Variants in TMEM132B observed in about 807,000 individuals in gnomAD.
TMEM132B encodes the protein transmembrane protein 132B.
In TMEM132B, 18 loss-of-function variants were observed where a neutral mutation model predicts 90.8. That is an observed-to-expected ratio of 0.20 (90% CI 0.14 to 0.29). The LOEUF is 0.29. TMEM132B is among the 10% of genes least tolerant of loss of function. The pLI is 1.00. For missense variants in TMEM132B, 1,096 were observed against 1,326.8 expected, an observed-to-expected ratio of 0.83 and a Z score of 2.70; for synonymous variants, 504 against 523.3, an observed-to-expected ratio of 0.96 and a Z score of 0.50.
intron 5 of TMEM132B, among the ~76,000 whole-genome samples, chr12:125,594,419 A>G (rs1885391411): frequency 6.6e-6 from 1 of 152,202 alleles, no homozygotes; most frequent in African/African-American, 2.4e-5. Context: ...AGGTTGTATC[A>G]TATTAAGTGT....
At chr12:125,285,618 CCAGGTGAGG>C (rs1337141021) in intron 1 of TMEM132B, among the ~76,000 whole-genome samples, 2 of 152,196 alleles carry the variant, frequency 1.3e-5, no homozygotes, top group Non-Finnish European at 2.9e-5. Context: ...CCAGTGTTCA[CCAGGTGAGG>C]CCACCTGGGC....
intron 1 of TMEM132B, among the ~76,000 whole-genome samples, chr12:125,219,793 A>C (rs1873518160): frequency 6.6e-6 from 1 of 152,212 alleles, no homozygotes; most frequent in South Asian, 2.1e-4. Flanking sequence ...CAGGTGCCTC[A>C]GTGGCACTGG....
At chr12:125,188,862 A>AG (rs1565970793) in intron 1 of TMEM132B, among the ~76,000 whole-genome samples, 1 of 138,338 alleles carries the variant, frequency 7.2e-6, no homozygotes. Context: ...CAAAAAAAAA[A>AG]AAAAAAAAAA....
intron 5 of TMEM132B, among the ~76,000 whole-genome samples, chr12:125,643,464 A>G (rs899278780): frequency 6.6e-6 from 1 of 152,228 alleles, no homozygotes; most frequent in Non-Finnish European, 1.5e-5. Context: ...AAGCATGCAC[A>G]TTAGAGAGGC....
chr12:125,187,311 G>A (rs4073533), intron 1 of TMEM132B, among the ~76,000 whole-genome samples: 3,227 of 152,280 alleles, frequency 0.021, 51 homozygotes, highest in Admixed American at 0.034. Flanking sequence ...CGGGACACCT[G>A]CGGGCCCCGG....
At chr12:125,256,554 A>G (rs988981188) in intron 1 of TMEM132B, among the ~76,000 whole-genome samples, 8 of 152,254 alleles carry the variant, frequency 5.3e-5, no homozygotes, top group Non-Finnish European at 1.0e-4. Context: ...TTTTGGAGCT[A>G]CAAAAGCAGA....
intron 3 of TMEM132B, among the ~76,000 whole-genome samples, chr12:125,443,915 C>T (rs1302444974): frequency 6.6e-6 from 1 of 151,308 alleles, no homozygotes; most frequent in African/African-American, 2.4e-5. Context: ...TTGGGAAGGG[C>T]AGGGGTGATG....
chr12:125,638,181 C>T (rs1419294652), intron 5 of TMEM132B, among the ~76,000 whole-genome samples: 2 of 152,290 alleles, frequency 1.3e-5, no homozygotes, highest in Admixed American at 6.5e-5. Flanking sequence ...CATGCTCTGC[C>T]TTTCACCAGC....
At chr12:125,638,458 T>G (rs1886543707) in intron 5 of TMEM132B, among the ~76,000 whole-genome samples, 1 of 152,212 alleles carries the variant, frequency 6.6e-6, no homozygotes, top group South Asian at 2.1e-4. Flanking sequence ...TTCACTAAAC[T>G]CAGTAATACA....
At chr12:125,263,555 A>C (rs1028668507) in intron 1 of TMEM132B, among the ~76,000 whole-genome samples, 12 of 152,142 alleles carry the variant, frequency 7.9e-5, no homozygotes, top group Non-Finnish European at 1.6e-4. Context: ...GTCTTCGTGC[A>C]TATTTGTTGT....
intron 1 of TMEM132B, among the ~76,000 whole-genome samples, chr12:125,224,223 G>T (rs1873625741): frequency 6.6e-6 from 1 of 152,170 alleles, no homozygotes; most frequent in African/African-American, 2.4e-5. Context: ...CATTTGGGTT[G>T]TTTTTGCTCT....
intron 1 of TMEM132B, among the ~76,000 whole-genome samples, chr12:125,287,644 G>T (rs1875399098): frequency 6.6e-6 from 1 of 152,098 alleles, no homozygotes; most frequent in Non-Finnish European, 1.5e-5. Flanking sequence ...ACCACAGAAT[G>T]ATGCAAAACA....
At chr12:125,594,825 T>C (rs1203550861) in intron 5 of TMEM132B, among the ~76,000 whole-genome samples, 11 of 152,196 alleles carry the variant, frequency 7.2e-5, no homozygotes, top group African/African-American at 2.4e-4. Flanking sequence ...TGTTATTCCA[T>C]ATTGTGGTTT....
At chr12:125,474,385 C>A (rs73414312) in intron 3 of TMEM132B, among the ~76,000 whole-genome samples, 2 of 148,728 alleles carry the variant, frequency 1.3e-5, no homozygotes, top group African/African-American at 4.9e-5. Flanking sequence ...AGCCTCAAAA[C>A]CCTGGGCTCC....
intron 2 of TMEM132B, among the ~76,000 whole-genome samples, chr12:125,396,618 T>G (rs950425248): frequency 2.6e-5 from 4 of 152,024 alleles, no homozygotes; most frequent in Non-Finnish European, 5.9e-5. Flanking sequence ...GCTCAGGTGA[T>G]CCTCCCACCT....
chr12:125,456,262 A>G (rs185598423), intron 3 of TMEM132B, among the ~76,000 whole-genome samples: 19 of 152,344 alleles, frequency 1.2e-4, no homozygotes, highest in African/African-American at 2.4e-4. Context: ...AAAGGAGCCA[A>G]CTGTGCTTCT....
chr12:125,339,976 A>G (rs1046206102), intron 1 of TMEM132B, among the ~76,000 whole-genome samples: 10 of 152,214 alleles, frequency 6.6e-5, no homozygotes, highest in Non-Finnish European at 1.5e-4. Flanking sequence ...TTCAGCTACA[A>G]TGTATTCATA....
intron 3 of TMEM132B, among the ~76,000 whole-genome samples, chr12:125,494,239 G>A (rs1882451367): frequency 8.6e-6 from 1 of 115,804 alleles, no homozygotes; most frequent in South Asian, 3.1e-4. Flanking sequence ...CCTGGAAATG[G>A]CCGTGTCCCT....
At chr12:125,511,628 G>A (rs866746130) in intron 3 of TMEM132B, among the ~76,000 whole-genome samples, 3 of 151,820 alleles carry the variant, frequency 2.0e-5, no homozygotes, top group Non-Finnish European at 2.9e-5. Context: ...CGAGGTGGGC[G>A]GATCACGAGG....
Sources: gnomAD v4.1 joint callset for allele counts (sites outside exome capture counted in the v4.1 genomes callset) on GRCh38, gnomAD v4.1.1 for gene constraint, MANE v1.5 for transcripts, NCBI Gene and HGNC (gene_info 2026-07-23, HGNC 2026-07-21) for gene names.